FLVCR2: variants seen among roughly 807,000 people sequenced by gnomAD.
FLVCR2 encodes FLVCR choline and putative heme transporter 2.
FLVCR2 carries 38 observed loss-of-function variants against 48.9 expected under a neutral mutation model. The observed-to-expected ratio is 0.78, with a 90% confidence interval of 0.60 to 1.02. The LOEUF is 1.02. Among genes scored for constraint, FLVCR2 ranks in the 50% least tolerant of loss-of-function variants. FLVCR2 has a pLI of 0.00. For missense variants in FLVCR2, 664 were observed against 663.3 expected, an observed-to-expected ratio of 1.00 and a Z score of -0.01; for synonymous variants, 255 against 257.0, an observed-to-expected ratio of 0.99 and a Z score of 0.07.
At chr14:75,605,759 A>G in intron 1 of FLVCR2, 1 of 841,722 alleles carries the variant, frequency 1.2e-6, no homozygotes, top group Non-Finnish European at 1.9e-6. Flanking sequence ...AGTATTTTTC[A>G]GTTCCAGGAG....
At chr14:75,636,439 A>G (rs1839377053) in intron 5 of FLVCR2, among the ~76,000 whole-genome samples, 1 of 152,184 alleles carries the variant, frequency 6.6e-6, no homozygotes, top group African/African-American at 2.4e-5. Flanking sequence ...GCCATCCCCA[A>G]ACCACTGAAT....
Position 75,647,621 on chromosome 14 carries a change from A to T in FLVCR2, c.*1149A>T, listed in dbSNP as rs908692976. The stretch of plus-strand genomic sequence containing the variant: ...AATCTTTATCAGATATTCTAAACTT[A>T]AAGGGATTCCCTTTAAACCAACTCA... On this transcript the variant is annotated 3_prime_UTR_variant, in exon 10 of 10. Transcript: ENST00000238667. 2 of 152,612 alleles carry T rather than the reference A, an allele frequency of 1.3e-5. No homozygotes were observed. The highest frequency in any genetic ancestry group is 2.9e-5 in the Non-Finnish European group (2 of 68,030). The allele number at this position is 152,612 out of a possible 1,614,324, so 9.5% of individuals were successfully genotyped here.
At chr14:75,617,036 A>G (rs1361901548) in intron 1 of FLVCR2, among the ~76,000 whole-genome samples, 5 of 152,142 alleles carry the variant, frequency 3.3e-5, no homozygotes, top group Admixed American at 2.6e-4. Context: ...TTCTGATTCA[A>G]TTGTGACTTA....
intron 1 of FLVCR2, among the ~76,000 whole-genome samples, chr14:75,595,624 G>A (rs1276583332): frequency 6.6e-6 from 1 of 152,212 alleles, no homozygotes; most frequent in Non-Finnish European, 1.5e-5. Context: ...CGGAGGTGAA[G>A]GCAAACTCTT....
Position 75,646,487 on chromosome 14 carries a change from C to A in FLVCR2, c.*15C>A. ...ATCATCTCTGAGAGGAAGGTGGTGACAACTCAGGGAACACGAACACCCCAC... is the reference window on the plus strand; with the variant it reads ...ATCATCTCTGAGAGGAAGGTGGTGAAAACTCAGGGAACACGAACACCCCAC... On this transcript the variant is annotated 3_prime_UTR_variant, in exon 10 of 10. Coordinates refer to ENST00000238667, the MANE Select transcript of FLVCR2 (RefSeq NM_017791.3). 1 of 1,598,214 alleles carries A rather than the reference C, an allele frequency of 6.3e-7. No individual in the cohort carries two copies. The highest frequency in any genetic ancestry group is 1.3e-5 in the African/African-American group (1 of 74,708).
At chr14:75,610,856 C>T (rs970136769) in intron 1 of FLVCR2, among the ~76,000 whole-genome samples, 5 of 152,238 alleles carry the variant, frequency 3.3e-5, no homozygotes, top group East Asian at 1.9e-4. Context: ...GGCATCTACT[C>T]GCTTTGGGTG....
At chr14:75,612,013 A>T (rs953545225) in intron 1 of FLVCR2, among the ~76,000 whole-genome samples, 2 of 152,068 alleles carry the variant, frequency 1.3e-5, no homozygotes, top group African/African-American at 2.4e-5. Context: ...GCTTACTGTT[A>T]TGTGACCTTG....
At chr14:75,590,939 G>A (rs1888863755) in intron 1 of FLVCR2, among the ~76,000 whole-genome samples, 1 of 152,220 alleles carries the variant, frequency 6.6e-6, no homozygotes, top group Non-Finnish European at 1.5e-5. Context: ...AATGTCCAAA[G>A]TCCAAAACTG....
intron 5 of FLVCR2, among the ~76,000 whole-genome samples, chr14:75,635,548 C>T (rs11847375): frequency 0.022 from 3,369 of 152,254 alleles, 122 homozygotes; most frequent in African/African-American, 0.078. Context: ...CAGTGCATTT[C>T]TAAGAGCCTG....
chr14:75,584,059 C>T (rs1318753423), intron 1 of FLVCR2, among the ~76,000 whole-genome samples: 1 of 152,106 alleles, frequency 6.6e-6, no homozygotes. Flanking sequence ...CCACTGGGGG[C>T]CCGCACAGAT....
At chr14:75,638,716 C>T (rs1890228533) in intron 5 of FLVCR2, among the ~76,000 whole-genome samples, 1 of 152,136 alleles carries the variant, frequency 6.6e-6, no homozygotes, top group Non-Finnish European at 1.5e-5. Context: ...GTGGCTAGGA[C>T]ATGACAAGTC....
chr14:75,591,278 A>G (rs1032253687), intron 1 of FLVCR2, among the ~76,000 whole-genome samples: 1 of 152,206 alleles, frequency 6.6e-6, no homozygotes, highest in African/African-American at 2.4e-5. Flanking sequence ...CCTGCACTCT[A>G]GTGATCCTAC....
rs146480176 is a variant in FLVCR2 at position 75,624,640 on chromosome 14, C to T, written c.840C>T (p.Pro280=). The change falls in exon 3 of 10, where the codon CCC becomes CCT. Residue 280 remains proline (P), a synonymous_variant. Coordinates refer to ENST00000238667, the MANE Select transcript of FLVCR2 (RefSeq NM_017791.3). The part of the protein sequence containing the change: ...IVFKEKPKYP[P]SRAQSLSYAL... ...TCAAGGAGAAACCTAAATATCCCCC[C>T]AGCAGGGCCCAATCCCTGAGCTATG... The T allele has an allele frequency of 1.2e-5, 19 of 1,613,962 alleles. No homozygotes were observed. The East Asian group carries it at 2.7e-4, about 23-fold the overall frequency.
intron 5 of FLVCR2, among the ~76,000 whole-genome samples, chr14:75,636,534 G>A (rs565775460): frequency 3.5e-4 from 54 of 152,286 alleles, no homozygotes; most frequent in African/African-American, 1.3e-3. Context: ...ATGGGCAGCC[G>A]GATGATTCAG....
At chr14:75,605,856 T>C in intron 1 of FLVCR2, 1 of 540,124 alleles carries the variant, frequency 1.9e-6, no homozygotes, top group Non-Finnish European at 3.3e-6. Flanking sequence ...TTCTCCTTTT[T>C]TTCTTCTCTC....
At chr14:75,601,165 T>C (rs1889157401) in intron 1 of FLVCR2, among the ~76,000 whole-genome samples, 2 of 152,256 alleles carry the variant, frequency 1.3e-5, no homozygotes, top group Non-Finnish European at 2.9e-5. Context: ...ATATGGGAAA[T>C]GAAGGGATGG....
At position 75,634,902 on chromosome 14, in the gene FLVCR2, T is replaced by A; in HGVS notation, c.1021-8T>A. The A allele has an allele frequency of 6.2e-7, 1 of 1,603,560 alleles. No individual in the cohort carries two copies. On this transcript the variant is annotated splice_region_variant and splice_polypyrimidine_tract_variant and intron_variant, in intron 4 of 9. Transcript: ENST00000238667. ...GCCGGGTGATCTTTGGGGTTATGGT[T>A]TCCCCAGGGGGAAGAAGTGAATGCT...
At chr14:75,580,988 G>A (rs1566780179) in intron 1 of FLVCR2, among the ~76,000 whole-genome samples, 2 of 152,076 alleles carry the variant, frequency 1.3e-5, no homozygotes, top group African/African-American at 2.4e-5. Context: ...TTGGAGCAGC[G>A]AAAAATTTTG....
rs185993721 is a variant in FLVCR2 at position 75,637,750 on chromosome 14, G to T, written c.1125-1602G>T. On this transcript the variant is annotated intron_variant, in intron 5 of 9. Transcript: ENST00000238667. The stretch of plus-strand genomic sequence containing the variant: ...TCTCAAAAAAAAAAAAAAAAAGAAA[G>T]AAAAGAAAAGCTTTAAAGCTTTCAT... 3.9e-3 allele frequency among the ~76,000 whole-genome samples: 580 copies of T among 149,496 alleles called. 3 individuals carry two copies. Among genetic ancestry groups the T allele is most frequent in the African/African-American group, 0.013 (530 of 40,714 alleles).
Sources: gnomAD v4.1 joint callset for allele counts (sites outside exome capture counted in the v4.1 genomes callset) on GRCh38, gnomAD v4.1.1 for gene constraint, MANE v1.5 for transcripts, NCBI Gene and HGNC (gene_info 2026-07-23, HGNC 2026-07-21) for gene names.